The following CTTNBP2NL variants were observed in gnomAD, a reference collection of about 807,000 sequenced individuals.
CTTNBP2NL encodes CTTNBP2 N-terminal-like protein.
A neutral mutation model predicts 32.5 loss-of-function variants in CTTNBP2NL; 16 were observed. The ratio of observed to expected loss-of-function variants is 0.49; its 90% CI spans 0.33 to 0.75. CTTNBP2NL has a LOEUF of 0.75. Among genes scored for constraint, CTTNBP2NL ranks in the 30% least tolerant of loss-of-function variants. CTTNBP2NL has a pLI of 0.02. For synonymous variants in CTTNBP2NL, 298 were observed against 289.4 expected (o/e 1.03, Z -0.30); for missense variants, 645 against 756.0 (o/e 0.85, Z 1.72).
intron 3 of CTTNBP2NL, among the ~76,000 whole-genome samples, chr1:112,421,814 G>A (rs1373525956): frequency 2.0e-5 from 3 of 152,098 alleles, no homozygotes; most frequent in Admixed American, 1.3e-4. Context: ...GGTTAAGGGT[G>A]TACTCTGGTG....
At chr1:112,402,672 C>T (rs1361892770) in intron 1 of CTTNBP2NL, among the ~76,000 whole-genome samples, 16 of 152,188 alleles carry the variant, frequency 1.1e-4, no homozygotes, top group Non-Finnish European at 1.5e-5. Context: ...GAAGTAACAA[C>T]AGAACCAATC....
chr1:112,432,729 G>A (rs971673376), intron 3 of CTTNBP2NL, among the ~76,000 whole-genome samples: 3 of 142,562 alleles, frequency 2.1e-5, no homozygotes, highest in African/African-American at 7.9e-5. Flanking sequence ...GCTAAAGCCT[G>A]TTTGAAACTT....
chr1:112,393,089 C>G (rs1177028319), upstream of CTTNBP2NL, among the ~76,000 whole-genome samples: 1 of 152,096 alleles, frequency 6.6e-6, no homozygotes, highest in Non-Finnish European at 1.5e-5. Flanking sequence ...AACTCCTGAC[C>G]TCAGGTGATC....
intron 3 of CTTNBP2NL, among the ~76,000 whole-genome samples, chr1:112,430,879 G>A (rs1014596063): frequency 3.9e-5 from 6 of 152,094 alleles, no homozygotes; most frequent in Admixed American, 6.6e-5. Flanking sequence ...CACTGTTCCC[G>A]GCCAGCTAGC....
intron 3 of CTTNBP2NL, among the ~76,000 whole-genome samples, chr1:112,444,632 T>G (rs891189645): frequency 2.6e-5 from 4 of 152,246 alleles, no homozygotes. Flanking sequence ...ATGTGTGTGT[T>G]GTTATTGAAT....
chr1:112,433,865 C>G (rs944691863), intron 3 of CTTNBP2NL, among the ~76,000 whole-genome samples: 1 of 151,018 alleles, frequency 6.6e-6, no homozygotes, highest in Non-Finnish European at 1.5e-5. Flanking sequence ...CTGTGTCATA[C>G]TCCATAATAT....
rs150952867 is a variant in CTTNBP2NL at position 112,428,866 on chromosome 1, T to G, written c.99+12602T>G. ...GCTGTGATCCAAAGTTTGAAAAACATTAGTCTAAAGCACTTCCTTTAATTT... is the reference window on the plus strand; with the variant it reads ...GCTGTGATCCAAAGTTTGAAAAACAGTAGTCTAAAGCACTTCCTTTAATTT... On this transcript the variant is annotated intron_variant, in intron 3 of 5. Coordinates refer to ENST00000271277, the MANE Select transcript of CTTNBP2NL (RefSeq NM_018704.3). 1.8e-4 allele frequency among the ~76,000 whole-genome samples: 28 copies of G among 152,296 alleles called. No individual in the cohort carries two copies. The East Asian group carries it at 5.2e-3, about 28-fold the overall frequency.
At chr1:112,403,571 A>G (rs1270759763) in intron 1 of CTTNBP2NL, among the ~76,000 whole-genome samples, 1 of 152,248 alleles carries the variant, frequency 6.6e-6, no homozygotes, top group Non-Finnish European at 1.5e-5. Context: ...ATACATATCC[A>G]TTATGCATTT....
At chr1:112,425,233 G>A (rs1276978197) in intron 3 of CTTNBP2NL, among the ~76,000 whole-genome samples, 2 of 152,144 alleles carry the variant, frequency 1.3e-5, no homozygotes, top group Non-Finnish European at 2.9e-5. Context: ...CACTTTGGGA[G>A]GCTGAGGCAG....
intron 1 of CTTNBP2NL, among the ~76,000 whole-genome samples, chr1:112,398,442 G>C (rs1648394697): frequency 1.3e-5 from 2 of 152,120 alleles, no homozygotes; most frequent in Non-Finnish European, 2.9e-5. Context: ...ACAGTTCCTA[G>C]TATATAGTAT....
intron 1 of CTTNBP2NL, among the ~76,000 whole-genome samples, chr1:112,400,517 A>G (rs1648466914): frequency 1.3e-5 from 2 of 152,130 alleles, no homozygotes; most frequent in South Asian, 2.1e-4. Flanking sequence ...AAAAATTGCC[A>G]GGTGCAGTGG....
chr1:112,421,785 T>C (rs1425517347), intron 3 of CTTNBP2NL, among the ~76,000 whole-genome samples: 2 of 152,156 alleles, frequency 1.3e-5, no homozygotes, highest in Non-Finnish European at 2.9e-5. Flanking sequence ...CCCAAAAGCA[T>C]GTATTTTGAG....
chr1:112,449,250 A>C, intron 4 of CTTNBP2NL, 78 bp downstream of exon 4: 1 of 762,672 alleles, frequency 1.3e-6, no homozygotes, highest in East Asian at 2.7e-5. Context: ...GTCAGCTGCC[A>C]GTTTTTCACA....
At chr1:112,417,049 A>G (rs975894646) in intron 3 of CTTNBP2NL, among the ~76,000 whole-genome samples, 2 of 152,092 alleles carry the variant, frequency 1.3e-5, no homozygotes, top group Non-Finnish European at 2.9e-5. Context: ...TCTTTGCCCC[A>G]TTTATCATCT....
chr1:112,445,289 G>A (rs1650006580), intron 3 of CTTNBP2NL, among the ~76,000 whole-genome samples: 1 of 151,998 alleles, frequency 6.6e-6, no homozygotes, highest in African/African-American at 2.4e-5. Flanking sequence ...TTATTATTTA[G>A]GCTGCCTACT....
intron 3 of CTTNBP2NL, among the ~76,000 whole-genome samples, chr1:112,446,799 C>T: frequency 6.6e-6 from 1 of 152,172 alleles, no homozygotes; most frequent in East Asian, 1.9e-4. Context: ...ATTCTCCTGC[C>T]TCTGCCTCCC....
At chr1:112,411,566 A>G (rs570341494) in intron 1 of CTTNBP2NL, among the ~76,000 whole-genome samples, 12 of 152,318 alleles carry the variant, frequency 7.9e-5, no homozygotes, top group African/African-American at 2.9e-4. Flanking sequence ...ATCAGCCTTT[A>G]TAGACAAAGT....
At chr1:112,440,720 C>T (rs919532452) in intron 3 of CTTNBP2NL, among the ~76,000 whole-genome samples, 2 of 152,180 alleles carry the variant, frequency 1.3e-5, no homozygotes, top group African/African-American at 2.4e-5. Context: ...CTATATATAA[C>T]ACTTATTGTT....
intron 3 of CTTNBP2NL, among the ~76,000 whole-genome samples, chr1:112,432,199 G>A (rs367993872): frequency 4.2e-5 from 6 of 144,296 alleles, no homozygotes; most frequent in South Asian, 2.2e-4. Flanking sequence ...TCAGCCTCCC[G>A]AGTAGCTGGG....
Sources: allele counts gnomAD v4.1 joint callset (sites outside exome capture counted in the v4.1 genomes callset), GRCh38; gene constraint gnomAD v4.1.1; transcripts MANE v1.5; gene names NCBI Gene and HGNC (gene_info 2026-07-23, HGNC 2026-07-21).